Variants in KCNQ3 observed in about 807,000 individuals in gnomAD.
KCNQ3 encodes the protein potassium voltage-gated channel subfamily KQT member 3.
KCNQ3 carries 30 observed loss-of-function variants against 92.5 expected under a neutral mutation model. The ratio of observed to expected loss-of-function variants is 0.32; its 90% CI spans 0.24 to 0.44. KCNQ3 has a LOEUF of 0.44. KCNQ3 is among the 20% of genes least tolerant of loss of function. The pLI is 1.00. For synonymous variants in KCNQ3, 450 were observed against 468.8 expected (o/e 0.96, Z 0.52); for missense variants, 913 against 1,140.3 (o/e 0.80, Z 2.87).
At chr8:132,311,090 C>T (rs1817579795) in intron 1 of KCNQ3, among the ~76,000 whole-genome samples, 1 of 152,048 alleles carries the variant, frequency 6.6e-6, no homozygotes, top group African/African-American at 2.4e-5. Context: ...GCAAGTGCTG[C>T]CACACCCAGC....
At chr8:132,471,883 A>G (rs1023847609) in intron 1 of KCNQ3, among the ~76,000 whole-genome samples, 20 of 152,200 alleles carry the variant, frequency 1.3e-4, no homozygotes, top group African/African-American at 4.3e-4. Flanking sequence ...ACAAGGGACT[A>G]GTATCTAGAA....
At chr8:132,323,445 G>A (rs911751490) in intron 1 of KCNQ3, among the ~76,000 whole-genome samples, 3 of 152,086 alleles carry the variant, frequency 2.0e-5, no homozygotes, top group Admixed American at 6.5e-5. Flanking sequence ...GGTTATATGC[G>A]GCCCACAAAG....
At chr8:132,187,807 ATGGTGGTGGTGGTGGTGG>A (rs1166642331) in intron 1 of KCNQ3, among the ~76,000 whole-genome samples, 3 of 120,478 alleles carry the variant, frequency 2.5e-5, no homozygotes, top group African/African-American at 1.0e-4. Flanking sequence ...GGTGATAGTG[ATGGTGGTGGTGGTGGTGG>A]TGGTGATTGT....
In KCNQ3 at chr8:132,480,621, C is replaced by T. The variant is rs1249942189; in HGVS notation, c.-89G>A. ...GGGTGCGTGAACGAGGCGGCGGCGG[C>T]GGCTGCAAGCCCGGGAACTCCAATG... On this transcript the variant is annotated 5_prime_UTR_variant, in exon 1 of 15. Transcript: ENST00000388996. 4.2e-6 allele frequency: 5 copies of T among 1,185,164 alleles called. No individual in the cohort carries two copies. Among genetic ancestry groups the T allele is most frequent in the Middle Eastern group, 3.3e-4 (1 of 3,022 alleles). 73.4% of individuals were successfully genotyped at this position (1,185,164 alleles called of 1,614,324 possible). A position where few individuals can be genotyped will look rare whatever the true frequency, so the allele number is the denominator to read the frequency against.
intron 1 of KCNQ3, among the ~76,000 whole-genome samples, chr8:132,284,716 G>A (rs1164952338): frequency 6.6e-6 from 1 of 152,162 alleles, no homozygotes; most frequent in African/African-American, 2.4e-5. Flanking sequence ...AGACACCTAG[G>A]GTGGTTTAGA....
chr8:132,452,707 T>G (rs953346990), intron 1 of KCNQ3, among the ~76,000 whole-genome samples: 3 of 152,196 alleles, frequency 2.0e-5, no homozygotes, highest in Non-Finnish European at 4.4e-5. Context: ...GCCTCCAAGC[T>G]GGGCATGCTC....
Position 132,273,024 on chromosome 8 carries a change from C to T in KCNQ3, c.387-86843G>A, listed in dbSNP as rs115662453. On this transcript the variant is annotated intron_variant, in intron 1 of 14. Coordinates refer to ENST00000388996, the MANE Select transcript of KCNQ3 (RefSeq NM_004519.4). ...AAATCAAAAGCAATTTCCAGGCCCA[C>T]GGTGCAAGCTGTAGGTGGATCTACC... is the stretch of plus-strand genomic sequence containing the variant. 8.6e-3 allele frequency among the ~76,000 whole-genome samples: 1,310 copies of T among 152,252 alleles called. 21 individuals carry two copies. The highest frequency in any genetic ancestry group is 0.03 in the African/African-American group (1,233 of 41,550).
At chr8:132,345,790 C>G (rs1818669713) in intron 1 of KCNQ3, among the ~76,000 whole-genome samples, 1 of 151,956 alleles carries the variant, frequency 6.6e-6, no homozygotes, top group Non-Finnish European at 1.5e-5. Flanking sequence ...ATGTAGAAGA[C>G]TACAGCTACA....
chr8:132,203,465 C>T (rs779176023), intron 1 of KCNQ3, among the ~76,000 whole-genome samples: 9 of 152,200 alleles, frequency 5.9e-5, no homozygotes, highest in Non-Finnish European at 1.2e-4. Flanking sequence ...GTGTCTACCT[C>T]ATAAGAGGAT....
At chr8:132,187,803 A>AGTGATGGTGGTGGTGGTGGTGGTG (rs1827028813) in intron 1 of KCNQ3, among the ~76,000 whole-genome samples, 1 of 78,632 alleles carries the variant, frequency 1.3e-5, no homozygotes, top group Non-Finnish European at 2.7e-5. Flanking sequence ...TGGTGGTGAT[A>AGTGATGGTGGTGGTGGTGGTGGTG]GTGATGGTGG....
chr8:132,187,831 ATTGTGGTGG>A (rs1563795727), intron 1 of KCNQ3, among the ~76,000 whole-genome samples: 4 of 85,678 alleles, frequency 4.7e-5, no homozygotes, highest in Non-Finnish European at 6.9e-5. Context: ...GGTGGTGGTG[ATTGTGGTGG>A]TGGTGGTGGT....
intron 1 of KCNQ3, among the ~76,000 whole-genome samples, chr8:132,410,999 A>G (rs1820638167): frequency 6.6e-6 from 1 of 152,172 alleles, no homozygotes; most frequent in Admixed American, 6.5e-5. Flanking sequence ...ATGGGCCTTA[A>G]AAGCCCCCTT....
At chr8:132,251,871 C>A (rs1815423015) in intron 1 of KCNQ3, among the ~76,000 whole-genome samples, 1 of 152,194 alleles carries the variant, frequency 6.6e-6, no homozygotes, top group African/African-American at 2.4e-5. Flanking sequence ...TTTATATGCC[C>A]CACTATGATC....
At chr8:132,313,254 G>T (rs1036027501) in intron 1 of KCNQ3, among the ~76,000 whole-genome samples, 1 of 152,222 alleles carries the variant, frequency 6.6e-6, no homozygotes, top group Non-Finnish European at 1.5e-5. Context: ...ACAGAAGCCT[G>T]AAGAATAGTT....
intron 1 of KCNQ3, among the ~76,000 whole-genome samples, chr8:132,358,570 C>T (rs191377244): frequency 6.3e-4 from 96 of 152,148 alleles, no homozygotes; most frequent in Non-Finnish European, 9.7e-4. Flanking sequence ...CAAATATATG[C>T]GTTTGATTCA....
chr8:132,290,492 A>G (rs1437361232), intron 1 of KCNQ3, among the ~76,000 whole-genome samples: 1 of 152,166 alleles, frequency 6.6e-6, no homozygotes, highest in Non-Finnish European at 1.5e-5. Context: ...TGCAGCGTGG[A>G]GTTTCAAATG....
At chr8:132,352,035 C>T (rs769877874) in intron 1 of KCNQ3, among the ~76,000 whole-genome samples, 3 of 152,108 alleles carry the variant, frequency 2.0e-5, no homozygotes, top group African/African-American at 4.8e-5. Flanking sequence ...ATTTGCCAAG[C>T]CATGGTTTGG....
intron 1 of KCNQ3, among the ~76,000 whole-genome samples, chr8:132,365,195 T>C (rs1207042024): frequency 6.6e-6 from 1 of 152,206 alleles, no homozygotes; most frequent in Non-Finnish European, 1.5e-5. Context: ...AAAAATCACG[T>C]TGAACAAATT....
At chr8:132,132,614 T>C (rs1260999744) in intron 13 of KCNQ3, among the ~76,000 whole-genome samples, 1 of 152,230 alleles carries the variant, frequency 6.6e-6, no homozygotes, top group Non-Finnish European at 1.5e-5. Flanking sequence ...CATTCTTAGA[T>C]TTGAGATCTG....
Sources: gnomAD v4.1 joint callset for allele counts (sites outside exome capture counted in the v4.1 genomes callset) on GRCh38, gnomAD v4.1.1 for gene constraint, MANE v1.5 for transcripts, NCBI Gene and HGNC (gene_info 2026-07-23, HGNC 2026-07-21) for gene names.